The following SLC4A4 variants were observed in gnomAD, a reference collection of about 807,000 sequenced individuals.
SLC4A4 encodes the protein electrogenic sodium bicarbonate cotransporter 1.
A neutral mutation model predicts 111.5 loss-of-function variants in SLC4A4; 27 were observed. The observed-to-expected ratio is 0.24, with a 90% CI of 0.18 to 0.33. The LOEUF (loss-of-function observed/expected upper bound fraction) is 0.33, where lower values mean the gene tolerates loss of function less well. Among genes scored for constraint, SLC4A4 ranks in the 10% least tolerant of loss-of-function variants. SLC4A4 has a pLI of 1.00. For missense variants in SLC4A4, 909 were observed against 1,315.5 expected (o/e 0.69, Z 4.78); for synonymous variants, 443 against 463.4 (o/e 0.96, Z 0.57).
chr4:71,352,957 T>C (rs1310891815), intron 5 of SLC4A4, among the ~76,000 whole-genome samples: 1 of 152,182 alleles, frequency 6.6e-6, no homozygotes, highest in Non-Finnish European at 1.5e-5. Flanking sequence ...GATGTTGCTG[T>C]AAAACTGTCT....
chr4:71,068,061 C>CTTTT lies in SLC4A4; in HGVS notation c.-65+5273_-65+5274insTTTT, dbSNP rs138059694. Among the ~76,000 whole-genome samples the CTTTT allele has an allele frequency of 1.1e-4, 14 of 132,366 alleles. 3 individuals are homozygous for CTTTT. The highest frequency in any genetic ancestry group is 6.8e-4 in the South Asian group (3 of 4,380). The allele number at this position is 132,366 out of a possible 152,430, so 86.8% of individuals were successfully genotyped here. A position where few individuals can be genotyped will look rare whatever the true frequency, so the allele number is the denominator to read the frequency against. Reference sequence around the variant, plus strand: ...ACTGCATATGGCCTTTTTGAACAAACGTTTTTTTTTTTTTTTTTTTGAGAT... The same window carrying CTTTT: ...ACTGCATATGGCCTTTTTGAACAAACTTTTGTTTTTTTTTTTTTTTTTTTGAGAT... On this transcript the variant is annotated intron_variant, in intron 1 of 26. Transcript: ENST00000649996.
rs376043069 is a variant in SLC4A4 at position 71,156,588 on chromosome 4, G to GCGCA, written c.-2+63797_-2+63798insGCAC. On this transcript the variant is annotated intron_variant, in intron 2 of 26. Transcript: ENST00000649996. ...TGTGCGCGCATGCGCGCGCGCGCGC[G>GCGCA]CACACACACACACACACACACACAC... 8.3e-3 allele frequency among the ~76,000 whole-genome samples: 1,152 copies of GCGCA among 138,510 alleles called. 14 individuals are homozygous for GCGCA. The highest frequency in any genetic ancestry group is 0.03 in the African/African-American group (1,098 of 36,578). 90.9% of individuals were successfully genotyped at this position (138,510 alleles called of 152,430 possible).
chr4:71,114,706 G>C (rs1286163332), intron 2 of SLC4A4, among the ~76,000 whole-genome samples: 1 of 146,570 alleles, frequency 6.8e-6, no homozygotes, highest in Non-Finnish European at 1.5e-5. Flanking sequence ...GAGAGGATGT[G>C]GAGAAATAGG....
chr4:71,170,748 G>C (rs1045663055), intron 2 of SLC4A4, among the ~76,000 whole-genome samples: 2 of 152,160 alleles, frequency 1.3e-5, no homozygotes, highest in Admixed American at 6.5e-5. Flanking sequence ...CCTCAATACT[G>C]GTGATGGTGT....
chr4:71,076,090 C>A (rs78261601), intron 1 of SLC4A4, among the ~76,000 whole-genome samples: 2,047 of 152,186 alleles, frequency 0.013, 46 homozygotes, highest in African/African-American at 0.047. Context: ...CACAACCTAA[C>A]AAATTATATT....
intron 16 of SLC4A4, among the ~76,000 whole-genome samples, chr4:71,509,066 A>C (rs1731671931): frequency 6.6e-6 from 1 of 152,340 alleles, no homozygotes. Flanking sequence ...TTTATGTTAA[A>C]AACTCTCAAT....
intron 3 of SLC4A4, among the ~76,000 whole-genome samples, chr4:71,324,916 A>G (rs1727393719): frequency 6.6e-6 from 1 of 151,996 alleles, no homozygotes; most frequent in Non-Finnish European, 1.5e-5. Context: ...TCAGGCTCTT[A>G]ATGCTGTTGA....
chr4:71,421,152 A>C (rs1722438590), intron 7 of SLC4A4, among the ~76,000 whole-genome samples: 2 of 151,738 alleles, frequency 1.3e-5, no homozygotes, highest in African/African-American at 2.4e-5. Flanking sequence ...TCTACCAAGC[A>C]AATGGAAAAC....
At chr4:71,442,026 G>T (rs1166336861) in intron 8 of SLC4A4, among the ~76,000 whole-genome samples, 1 of 152,080 alleles carries the variant, frequency 6.6e-6, no homozygotes, top group African/African-American at 2.4e-5. Context: ...CCAGCTCTGT[G>T]CCCCTATGGC....
intron 16 of SLC4A4, among the ~76,000 whole-genome samples, chr4:71,501,330 T>C (rs1410099038): frequency 1.3e-5 from 2 of 152,096 alleles, no homozygotes; most frequent in African/African-American, 2.4e-5. Flanking sequence ...TTTTTATTAC[T>C]TCTAAAATTT....
intron 7 of SLC4A4, among the ~76,000 whole-genome samples, chr4:71,402,172 C>T (rs1720428914): frequency 6.6e-6 from 1 of 152,100 alleles, no homozygotes; most frequent in South Asian, 2.1e-4. Context: ...CGGATGAAAC[C>T]ATTAACCATG....
At chr4:71,459,574 T>A (rs1013200680) in intron 12 of SLC4A4, among the ~76,000 whole-genome samples, 7 of 152,064 alleles carry the variant, frequency 4.6e-5, no homozygotes, top group African/African-American at 1.7e-4. Flanking sequence ...GCATGTGCTA[T>A]TACTATAACA....
At chr4:71,132,039 C>T (rs897434700) in intron 2 of SLC4A4, among the ~76,000 whole-genome samples, 4 of 152,064 alleles carry the variant, frequency 2.6e-5, no homozygotes, top group South Asian at 4.2e-4. Context: ...ATGGTGATGA[C>T]GGCATATCTT....
intron 2 of SLC4A4, among the ~76,000 whole-genome samples, chr4:71,105,558 T>C (rs2148948663): frequency 6.7e-6 from 1 of 149,966 alleles, no homozygotes; most frequent in East Asian, 2.0e-4. Flanking sequence ...AGCATGGTAC[T>C]GGTACCAAAA....
At chr4:71,337,678 T>G (rs1451476677) in intron 3 of SLC4A4, among the ~76,000 whole-genome samples, 2 of 152,164 alleles carry the variant, frequency 1.3e-5, no homozygotes, top group Admixed American at 1.3e-4. Context: ...ACCAGAAATT[T>G]TCATGTCCTT....
intron 1 of SLC4A4, among the ~76,000 whole-genome samples, chr4:71,206,776 T>C (rs1717792108): frequency 2.0e-5 from 3 of 151,948 alleles, no homozygotes; most frequent in Admixed American, 2.0e-4. Context: ...ACCATTTCAC[T>C]GATGAAATTC....
At chr4:71,222,504 C>T (rs1456611463) in intron 1 of SLC4A4, among the ~76,000 whole-genome samples, 1 of 152,188 alleles carries the variant, frequency 6.6e-6, no homozygotes, top group Non-Finnish European at 1.5e-5. Flanking sequence ...TGGGTATTGT[C>T]TATTTCCCAC....
At chr4:71,457,308 T>C (rs762951908) in intron 12 of SLC4A4, among the ~76,000 whole-genome samples, 1 of 152,190 alleles carries the variant, frequency 6.6e-6, no homozygotes, top group African/African-American at 2.4e-5. Flanking sequence ...CATACAGTTA[T>C]AATGCTGACA....
chr4:71,545,781 A>T (rs1342276758), intron 18 of SLC4A4, among the ~76,000 whole-genome samples: 1 of 152,058 alleles, frequency 6.6e-6, no homozygotes. Context: ...TCGGATCCTT[A>T]CATAAGTTGA....
Sources: allele counts gnomAD v4.1 joint callset (sites outside exome capture counted in the v4.1 genomes callset), GRCh38; gene constraint gnomAD v4.1.1; transcripts MANE v1.5; gene names NCBI Gene and HGNC (gene_info 2026-07-23, HGNC 2026-07-21).